BID: variants seen among roughly 807,000 people sequenced by gnomAD.
BID encodes the protein BH3 interacting domain death agonist, also known as BH3-interacting domain death agonist.
A neutral mutation model predicts 17.4 loss-of-function variants in BID; 19 were observed. That is an observed-to-expected ratio of 1.09 (90% CI 0.76 to 1.60). BID has a LOEUF of 1.60. BID is among the 40% of genes most tolerant of loss of function. The pLI is 0.00. For missense variants in BID, 226 were observed against 256.0 expected (o/e 0.88, Z 0.80); for synonymous variants, 108 against 102.8 (o/e 1.05, Z -0.31).
chr22:17,745,874 G>A (rs544200305), intron 2 of BID, among the ~76,000 whole-genome samples: 1 of 152,172 alleles, frequency 6.6e-6, no homozygotes, highest in Admixed American at 6.5e-5. Flanking sequence ...GCTGAGGCAG[G>A]AGAATCGCTT....
chr22:17,760,451 CAAAAAAAAAAAA>C (rs55817445), intron 1 of BID, among the ~76,000 whole-genome samples: 1 of 30,766 alleles, frequency 3.3e-5, no homozygotes, highest in Non-Finnish European at 8.6e-5. Context: ...GACTCTGTCT[CAAAAAAAAAAAA>C]AAAAAAAAAA....
At chr22:17,757,760 T>C (rs950194837) in intron 1 of BID, among the ~76,000 whole-genome samples, 8 of 151,396 alleles carry the variant, frequency 5.3e-5, no homozygotes, top group African/African-American at 1.9e-4. Context: ...GTTTCTCCTG[T>C]AGTGCCTGTG....
At chr22:17,739,239 C>T in intron 4 of BID, 110 bp downstream of exon 4, 2 of 1,356,940 alleles carry the variant, frequency 1.5e-6, no homozygotes, top group Non-Finnish European at 1.9e-6. Context: ...CTGGACCTGA[C>T]AGTCACGAGT....
intron 1 of BID, among the ~76,000 whole-genome samples, chr22:17,772,241 G>T (rs1244199622): frequency 2.0e-5 from 3 of 152,244 alleles, no homozygotes; most frequent in African/African-American, 7.2e-5. Flanking sequence ...CATTGGCTTG[G>T]GGCAAGGATA....
In BID at chr22:17,758,625, A is replaced by G. The variant is rs192406458; in HGVS notation, c.-58-8451T>C. 1.7e-3 allele frequency among the ~76,000 whole-genome samples: 255 copies of G among 152,340 alleles called. 2 individuals carry two copies. The highest frequency in any genetic ancestry group is 5.9e-3 in the African/African-American group (247 of 41,584). ...CAACACAGATGAACTTGAAGACACT[A>G]CGCTGGGCGAACTAGGCCAGTCATG... On this transcript the variant is annotated intron_variant, in intron 1 of 5. Coordinates refer to ENST00000622694, the MANE Select transcript of BID (RefSeq NM_001196.4).
Position 17,774,384 on chromosome 22 carries a change from C to A in BID, c.-62G>T. 1 of 224,736 alleles carries A rather than the reference C, an allele frequency of 4.4e-6. No individual in the cohort carries two copies. The highest frequency in any genetic ancestry group is 4.4e-5 in the South Asian group (1 of 22,690). 13.9% of individuals were successfully genotyped at this position (224,736 alleles called of 1,614,324 possible). On this transcript the variant is annotated 5_prime_UTR_variant, in exon 1 of 6. Coordinates refer to ENST00000622694, the MANE Select transcript of BID (RefSeq NM_001196.4). The stretch of plus-strand genomic sequence containing the variant: ...GGAGGGGCGCGGGTGCACTCACCAC[C>A]CTCCAGCCGCGGGGGCGCGGGCGCG...
chr22:17,762,758 G>T (rs2061649368), intron 1 of BID, among the ~76,000 whole-genome samples: 1 of 151,966 alleles, frequency 6.6e-6, no homozygotes, highest in South Asian at 2.1e-4. Flanking sequence ...ACAGAATATA[G>T]GGATAAAAGC....
In BID at chr22:17,735,599, A is replaced by C. The variant is rs199693822; in HGVS notation, c.577-8T>G. The C allele has an allele frequency of 1.1e-4, 174 of 1,614,090 alleles. No individual in the cohort carries two copies. The highest frequency in any genetic ancestry group is 1.2e-4 in the Non-Finnish European group (146 of 1,180,048). ...GTCCGTTCAGTCCATCCCCTAGAGC[A>C]AGAAAGGAGAAAAAGCCAGAATCAG... On this transcript the variant is annotated splice_region_variant and splice_polypyrimidine_tract_variant and intron_variant, in intron 5 of 5. Transcript: ENST00000622694.
rs557252956 is a variant in BID, at chr22:17,738,321, CTTA to C, written c.364-95_364-93del. ...CAGTATGAAGAAGCACTTCAAAGTA[CTTA>C]TTAAGTATCCAGGGCTGCTGGGCGG... On this transcript the variant is annotated intron_variant, in intron 4 of 5. Coordinates refer to ENST00000622694, the MANE Select transcript of BID (RefSeq NM_001196.4). The C allele has an allele frequency of 4.9e-4, 595 of 1,202,082 alleles. 2 individuals are homozygous for C. In the Middle Eastern group the frequency reaches 6.2e-3, roughly 12 times the overall value. 74.5% of individuals were successfully genotyped at this position (1,202,082 alleles called of 1,614,324 possible). A position where few individuals can be genotyped will look rare whatever the true frequency, so the allele number is the denominator to read the frequency against.
intron 4 of BID, among the ~76,000 whole-genome samples, chr22:17,739,043 A>G (rs1191391046): frequency 1.3e-5 from 2 of 151,436 alleles, no homozygotes; most frequent in African/African-American, 4.8e-5. Context: ...CCATTATTAA[A>G]CTCCCTACAA....
At chr22:17,774,055 C>T (rs1216710679) in intron 1 of BID, 1 of 352,774 alleles carries the variant, frequency 2.8e-6, no homozygotes, top group East Asian at 7.5e-5. Context: ...CCTCCCCGCG[C>T]CCCGCACCCC....
chr22:17,751,829 C>T (rs1273962828), intron 1 of BID, among the ~76,000 whole-genome samples: 1 of 152,190 alleles, frequency 6.6e-6, no homozygotes, highest in Non-Finnish European at 1.5e-5. Context: ...CAGGGAGGCA[C>T]CAGGATCTGG....
rs138122844 is a variant in BID, at chr22:17,770,005, C to T, written c.-59+4376G>A. ...CCTGGACTTACCCCCAGGAGGGACA[C>T]GCTGCTGCCTCCCAGGGCCCTTCGT... On this transcript the variant is annotated intron_variant, in intron 1 of 5. Transcript: ENST00000622694. 7.9e-5 allele frequency among the ~76,000 whole-genome samples: 12 copies of T among 152,276 alleles called. No individual in the cohort carries two copies. In the East Asian group the frequency reaches 1.9e-3, roughly 25 times the overall value.
intron 3 of BID, among the ~76,000 whole-genome samples, chr22:17,741,903 T>C: frequency 6.6e-6 from 1 of 152,210 alleles, no homozygotes; most frequent in Non-Finnish European, 1.5e-5. Context: ...CCCCAAAGTT[T>C]TCCTGATTCC....
At chr22:17,768,912 G>T (rs978921718) in intron 1 of BID, among the ~76,000 whole-genome samples, 10 of 150,840 alleles carry the variant, frequency 6.6e-5, no homozygotes, top group African/African-American at 2.4e-4. Context: ...CGTGGTGGTG[G>T]GCGCCTGTAG....
intron 1 of BID, among the ~76,000 whole-genome samples, chr22:17,764,970 C>A (rs1037393994): frequency 7.9e-5 from 12 of 152,294 alleles, no homozygotes; most frequent in African/African-American, 2.6e-4. Flanking sequence ...CCTTCCCCAA[C>A]AACATCCTAA....
At chr22:17,761,059 C>G (rs1370872079) in intron 1 of BID, among the ~76,000 whole-genome samples, 1 of 152,186 alleles carries the variant, frequency 6.6e-6, no homozygotes. Flanking sequence ...ATTTGACAAC[C>G]ACTCTTCCCG....
rs541006033 is a variant in BID, at chr22:17,769,263, G to A, written c.-59+5118C>T. ...ATGGAGGGGCTGATGACCCAGGAGC[G>A]GCTGGCTGCTGGTGTGAGTACACGG... On this transcript the variant is annotated intron_variant, in intron 1 of 5. Transcript: ENST00000622694. The surrounding 1 kb of genome is among the most constrained non-coding windows in gnomAD (Gnocchi z 4.8). 6.8e-4 allele frequency among the ~76,000 whole-genome samples: 104 copies of A among 152,276 alleles called. 1 individual carries two copies. The highest frequency in any genetic ancestry group is 5.2e-3 in the South Asian group (25 of 4,824).
chr22:17,751,373 C>T (rs1234690780), intron 1 of BID, among the ~76,000 whole-genome samples: 11 of 148,346 alleles, frequency 7.4e-5, no homozygotes, highest in Non-Finnish European at 1.0e-4. Flanking sequence ...AGCGAGACTC[C>T]GTCTCAAAAA....
Sources: allele counts gnomAD v4.1 joint callset (sites outside exome capture counted in the v4.1 genomes callset), GRCh38; gene constraint gnomAD v4.1.1; non-coding constraint Gnocchi (gnomAD v3.1); transcripts MANE v1.5; gene names NCBI Gene and HGNC (gene_info 2026-07-23, HGNC 2026-07-21).